The following CHD9NB variants were observed in gnomAD, a reference collection of about 807,000 sequenced individuals.
CHD9NB encodes CHD9 neighbor protein.
At chr16:53,044,259 C>T in the CHD9NB span, 7 of 397,200 alleles carry the variant, frequency 1.8e-5, no homozygotes, top group Non-Finnish European at 2.7e-5. Context: ...CATCCTCTTG[C>T]AGCACTGTTG....
the CHD9NB span, chr16:53,044,356 G>A: frequency 1.7e-4 from 66 of 392,306 alleles, 2 homozygotes; most frequent in South Asian, 8.9e-3. Context: ...GGCCTGGAGA[G>A]CTGCCCTTCC....
chr16:53,046,513 CA>C, the CHD9NB span, among the ~76,000 whole-genome samples: 84,891 of 144,042 alleles, frequency 0.59, 24,724 homozygotes, highest in Middle Eastern at 0.65. Context: ...CCATCTCTAC[CA>C]AAAAAAAAAA....
chr16:53,046,418 C>T, the CHD9NB span, among the ~76,000 whole-genome samples: 3 of 151,898 alleles, frequency 2.0e-5, no homozygotes, highest in Admixed American at 6.6e-5. Context: ...TGGCTTATGC[C>T]TGTAACCTAG....
the CHD9NB span, among the ~76,000 whole-genome samples, chr16:53,037,333 C>A: frequency 6.6e-6 from 1 of 152,200 alleles, no homozygotes; most frequent in African/African-American, 2.4e-5. Flanking sequence ...GAGGAAAATT[C>A]TTCCTCTTCC....
At chr16:53,049,049 GGGTCGC>G in the CHD9NB span, among the ~76,000 whole-genome samples, 2 of 152,164 alleles carry the variant, frequency 1.3e-5, no homozygotes, top group Admixed American at 6.5e-5. Context: ...AATAGAGATG[GGGTCGC>G]ACTATGTTAC....
chr16:53,052,391 A>G, the CHD9NB span, among the ~76,000 whole-genome samples: 1 of 152,150 alleles, frequency 6.6e-6, no homozygotes, highest in African/African-American at 2.4e-5. Flanking sequence ...CCCATCTCTT[A>G]AAGAAAACTG....
chr16:53,052,316 A>G, the CHD9NB span, among the ~76,000 whole-genome samples: 1 of 152,068 alleles, frequency 6.6e-6, no homozygotes. Context: ...CTGAGGTGGG[A>G]AGATCCCTTG....
At chr16:53,038,589 G>C in the CHD9NB span, among the ~76,000 whole-genome samples, 1 of 152,174 alleles carries the variant, frequency 6.6e-6, no homozygotes, top group African/African-American at 2.4e-5. Context: ...GACCTCAAGT[G>C]ATCCGCCCAC....
chr16:53,037,491 A>G, the CHD9NB span, among the ~76,000 whole-genome samples: 2 of 152,202 alleles, frequency 1.3e-5, no homozygotes, highest in African/African-American at 2.4e-5. Flanking sequence ...TCAACTTAAC[A>G]AAAGAGAGAG....
At chr16:53,045,602 CA>C in the CHD9NB span, among the ~76,000 whole-genome samples, 1 of 152,156 alleles carries the variant, frequency 6.6e-6, no homozygotes, top group Admixed American at 6.5e-5. Flanking sequence ...AGTGGCTTTT[CA>C]GAGAAGTACA....
the CHD9NB span, among the ~76,000 whole-genome samples, chr16:53,052,450 T>G: frequency 1.3e-5 from 2 of 152,196 alleles, no homozygotes; most frequent in Non-Finnish European, 2.9e-5. Flanking sequence ...TTTACATACT[T>G]CAGCCTACCA....
At chr16:53,039,731 A>C in the CHD9NB span, among the ~76,000 whole-genome samples, 7 of 86,290 alleles carry the variant, frequency 8.1e-5, no homozygotes, top group Admixed American at 1.3e-4. Flanking sequence ...GGTGACAGAG[A>C]TTCCATCTCA....
At chr16:53,049,322 TTGTGTGTGTGTGTGTGTGTG>T in the CHD9NB span, among the ~76,000 whole-genome samples, 430 of 145,002 alleles carry the variant, frequency 3.0e-3, 23 homozygotes, top group East Asian at 0.077. Context: ...CCCCCAGCTG[TTGTGTGTGTGTGTGTGTGTG>T]TGTGTGTGTG....
At chr16:53,042,598 C>G in the CHD9NB span, 1 of 151,842 alleles carries the variant, frequency 6.6e-6, no homozygotes, top group South Asian at 2.1e-4. Context: ...TCCCCGTCCC[C>G]CACCACCAGA....
the CHD9NB span, among the ~76,000 whole-genome samples, chr16:53,039,229 TG>T: frequency 1.1e-4 from 16 of 152,196 alleles, no homozygotes; most frequent in African/African-American, 3.6e-4. Context: ...TATTGGCTTG[TG>T]AATCTTCTAG....
the CHD9NB span, among the ~76,000 whole-genome samples, chr16:53,045,579 C>T: frequency 7.2e-5 from 11 of 152,140 alleles, no homozygotes; most frequent in African/African-American, 2.2e-4. Flanking sequence ...TGGAGGGTCA[C>T]GCAGGACTGT....
chr16:53,040,578 T>C, the CHD9NB span, among the ~76,000 whole-genome samples: 2 of 152,160 alleles, frequency 1.3e-5, no homozygotes, highest in African/African-American at 4.8e-5. Context: ...ACTGGAAAGA[T>C]CTCCCTGGAC....
At chr16:53,037,911 G>A in the CHD9NB span, among the ~76,000 whole-genome samples, 2 of 152,158 alleles carry the variant, frequency 1.3e-5, no homozygotes, top group Admixed American at 1.3e-4. Flanking sequence ...AGAATATATC[G>A]AGATATATAA....
At chr16:53,039,125 C>T in the CHD9NB span, among the ~76,000 whole-genome samples, 2 of 152,170 alleles carry the variant, frequency 1.3e-5, no homozygotes, top group East Asian at 3.9e-4. Flanking sequence ...ACCTAATATA[C>T]AAATCTAAGT....
Sources: gnomAD v4.1 joint callset for allele counts (sites outside exome capture counted in the v4.1 genomes callset) on GRCh38, gnomAD v4.1.1 for gene constraint, MANE v1.5 for transcripts, NCBI Gene and HGNC (gene_info 2026-07-23, HGNC 2026-07-21) for gene names.